Variants in HTR1F observed in about 807,000 individuals in gnomAD.
The protein encoded by HTR1F is 5-hydroxytryptamine receptor 1F.
Under a neutral mutation model 24.0 loss-of-function variants are expected in HTR1F, and 17 were observed. The observed-to-expected ratio is 0.71, with a 90% CI of 0.48 to 1.06. The LOEUF (loss-of-function observed/expected upper bound fraction) is 1.06. Among genes scored for constraint, HTR1F ranks in the 50% least tolerant of loss-of-function variants. The probability of loss-of-function intolerance (pLI) is 0.00; values close to 1 mark genes in which losing one functional copy is unlikely to be tolerated. For missense variants in HTR1F, 391 were observed against 427.8 expected, an observed-to-expected ratio of 0.91 and a Z score of 0.76; for synonymous variants, 186 against 156.8, an observed-to-expected ratio of 1.19 and a Z score of -1.39.
rs111248177 is a variant in HTR1F at position 87,808,444 on chromosome 3, T to C, written c.-159-13564T>C. 3.7e-3 allele frequency among the ~76,000 whole-genome samples: 567 copies of C among 152,002 alleles called. 4 individuals are homozygous for C. The highest frequency in any genetic ancestry group is 0.013 in the African/African-American group (543 of 41,572). On this transcript the variant is annotated intron_variant, in intron 1 of 2. Coordinates refer to ENST00000319595, the MANE Select transcript of HTR1F (RefSeq NM_001322209.2). ...AGTGCCTGATGATCCTTTGTGTATC[T>C]GTGATATCAGTTGTAATGTCTTTTT... is the stretch of plus-strand genomic sequence containing the variant.
chr3:87,814,356 A>G (rs907459426), intron 1 of HTR1F, among the ~76,000 whole-genome samples: 6 of 152,208 alleles, frequency 3.9e-5, no homozygotes, highest in African/African-American at 7.2e-5. Context: ...GCTAATTAAC[A>G]TATGTATTAC....
intron 2 of HTR1F, among the ~76,000 whole-genome samples, chr3:87,959,648 G>A (rs929249223): frequency 2.6e-5 from 4 of 151,916 alleles, no homozygotes; most frequent in African/African-American, 7.2e-5. Flanking sequence ...AATGTAAAAA[G>A]TGCATTGTTG....
chr3:87,856,606 G>C (rs1425491832), intron 2 of HTR1F, among the ~76,000 whole-genome samples: 1 of 152,024 alleles, frequency 6.6e-6, no homozygotes, highest in African/African-American at 2.4e-5. Context: ...AAACACAACT[G>C]CTTTTTGTAA....
rs145664623 is a variant in HTR1F, at chr3:87,869,283, T to A, written c.-43+47159T>A. On this transcript the variant is annotated intron_variant, in intron 2 of 2. Transcript: ENST00000319595. Reference sequence around the variant, plus strand: ...TGTAAGATATCTCCTAGTTTAATTATCATGAACATTATTTGAAAGCTCTCC... The same window carrying A: ...TGTAAGATATCTCCTAGTTTAATTAACATGAACATTATTTGAAAGCTCTCC... Among the ~76,000 whole-genome samples, 10 of 152,120 alleles carry A rather than the reference T, an allele frequency of 6.6e-5. No individual in the cohort carries two copies. In the East Asian group the frequency reaches 1.9e-3, roughly 29 times the overall value.
chr3:87,890,303 T>C (rs7626243), intron 2 of HTR1F, among the ~76,000 whole-genome samples: 10,749 of 152,222 alleles, frequency 0.071, 1,201 homozygotes, highest in African/African-American at 0.24. Flanking sequence ...CTCAGCAATA[T>C]ACCTGAGGGA....
At chr3:87,809,410 T>G (rs1264440014) in intron 1 of HTR1F, among the ~76,000 whole-genome samples, 2 of 151,862 alleles carry the variant, frequency 1.3e-5, no homozygotes, top group Non-Finnish European at 2.9e-5. Context: ...ATATTTGGAG[T>G]TTTTGTGTTT....
chr3:87,949,704 C>A (rs1338489842), intron 2 of HTR1F, among the ~76,000 whole-genome samples: 1 of 152,154 alleles, frequency 6.6e-6, no homozygotes, highest in Non-Finnish European at 1.5e-5. Flanking sequence ...ATCACCCTTC[C>A]TGTAACCACT....
intron 2 of HTR1F, among the ~76,000 whole-genome samples, chr3:87,851,830 G>C (rs890554996): frequency 6.6e-6 from 1 of 151,528 alleles, no homozygotes; most frequent in African/African-American, 2.4e-5. Flanking sequence ...AAACCTATAA[G>C]AATGTACATT....
At chr3:87,859,285 C>A (rs1186125018) in intron 2 of HTR1F, among the ~76,000 whole-genome samples, 2 of 152,200 alleles carry the variant, frequency 1.3e-5, no homozygotes, top group Non-Finnish European at 2.9e-5. Context: ...GTGTTAGTCT[C>A]AAGTAACAGT....
At chr3:87,848,524 T>A (rs1705000676) in intron 2 of HTR1F, among the ~76,000 whole-genome samples, 1 of 151,898 alleles carries the variant, frequency 6.6e-6, no homozygotes, top group African/African-American at 2.4e-5. Flanking sequence ...GCTTTATATG[T>A]CTAGCATTTG....
intron 2 of HTR1F, among the ~76,000 whole-genome samples, chr3:87,867,470 CA>C: frequency 6.6e-6 from 1 of 151,726 alleles, no homozygotes; most frequent in Non-Finnish European, 1.5e-5. Flanking sequence ...TTCGCTCAAG[CA>C]TGGGACAAAA....
intron 2 of HTR1F, among the ~76,000 whole-genome samples, chr3:87,834,732 A>T (rs1279853053): frequency 6.6e-6 from 1 of 152,196 alleles, no homozygotes; most frequent in Admixed American, 6.5e-5. Context: ...GGGTTTTTAC[A>T]TTTCAAAATT....
chr3:87,823,278 C>A (rs1704395533), intron 2 of HTR1F, among the ~76,000 whole-genome samples: 1 of 151,974 alleles, frequency 6.6e-6, no homozygotes, highest in Non-Finnish European at 1.5e-5. Context: ...CTCAATGGTA[C>A]CCATTCTCCT....
chr3:87,928,483 A>G (rs554722085), intron 2 of HTR1F, among the ~76,000 whole-genome samples: 90 of 152,250 alleles, frequency 5.9e-4, no homozygotes, highest in Non-Finnish European at 1.1e-3. Flanking sequence ...TATATTTTTT[A>G]TTTCATGACT....
chr3:87,938,995 T>C (rs775718728), intron 2 of HTR1F, among the ~76,000 whole-genome samples: 50 of 152,020 alleles, frequency 3.3e-4, no homozygotes, highest in Non-Finnish European at 5.7e-4. Flanking sequence ...AGTAAGCAAA[T>C]AACCTACAGA....
intron 1 of HTR1F, among the ~76,000 whole-genome samples, chr3:87,807,768 A>G (rs1161987697): frequency 1.3e-5 from 2 of 151,514 alleles, no homozygotes; most frequent in Non-Finnish European, 3.0e-5. Context: ...ATTACATTTG[A>G]CCTTTATTAT....
At chr3:87,850,583 T>C (rs935311267) in intron 2 of HTR1F, among the ~76,000 whole-genome samples, 46 of 150,138 alleles carry the variant, frequency 3.1e-4, no homozygotes, top group Non-Finnish European at 5.2e-4. Context: ...GTTGTGCACA[T>C]GTACCCTAAA....
At chr3:87,899,647 G>A (rs1423728056) in intron 2 of HTR1F, among the ~76,000 whole-genome samples, 2 of 152,132 alleles carry the variant, frequency 1.3e-5, no homozygotes, top group Admixed American at 1.3e-4. Context: ...CTGATCACTT[G>A]GGGTGAGGAG....
chr3:87,980,824 C>T (rs931723109), intron 2 of HTR1F, among the ~76,000 whole-genome samples: 8 of 152,222 alleles, frequency 5.3e-5, no homozygotes, highest in African/African-American at 1.7e-4. Flanking sequence ...ACACAACACT[C>T]GGGCTCGGCT....
Sources: gnomAD v4.1 joint callset for allele counts (sites outside exome capture counted in the v4.1 genomes callset) on GRCh38, gnomAD v4.1.1 for gene constraint, MANE v1.5 for transcripts, NCBI Gene and HGNC (gene_info 2026-07-23, HGNC 2026-07-21) for gene names.